POLQ: variants seen among roughly 807,000 people sequenced by gnomAD.
POLQ encodes epididymis secretory sperm binding protein.
In POLQ, 233 loss-of-function variants were observed where a neutral mutation model predicts 259.2. The ratio of observed to expected loss-of-function variants is 0.90; its 90% confidence interval spans 0.81 to 1.00. The LOEUF (loss-of-function observed/expected upper bound fraction) is 1.00, where lower values mean the gene tolerates loss of function less well. Among genes scored for constraint, POLQ ranks in the 50% least tolerant of loss-of-function variants. The pLI is 0.00. For missense variants in POLQ, 2,871 were observed against 3,051.6 expected, an observed-to-expected ratio of 0.94 and a Z score of 1.39; for synonymous variants, 1,025 against 1,048.8, an observed-to-expected ratio of 0.98 and a Z score of 0.44.
intron 25 of POLQ, among the ~76,000 whole-genome samples, chr3:121,454,964 T>C (rs12826913): frequency 0.18 from 27,384 of 152,026 alleles, 3,277 homozygotes; most frequent in East Asian, 0.57. Flanking sequence ...TATTCCAAAA[T>C]TGACCACATA....
intron 12 of POLQ, among the ~76,000 whole-genome samples, chr3:121,499,697 T>A (rs946677444): frequency 1.3e-5 from 2 of 152,102 alleles, no homozygotes; most frequent in African/African-American, 2.4e-5. Context: ...AGTTGATATA[T>A]TACCCAAAAT....
intron 17 of POLQ, 30 bp from the exon 18 acceptor site, chr3:121,483,612 C>T (rs1156630111): frequency 2.5e-5 from 35 of 1,418,002 alleles, no homozygotes; most frequent in African/African-American, 3.0e-5. Context: ...AAGGAAAAAA[C>T]ATTTTTAAGG....
intron 24 of POLQ, among the ~76,000 whole-genome samples, chr3:121,461,926 A>T (rs1560090144): frequency 6.6e-6 from 1 of 152,186 alleles, no homozygotes; most frequent in Non-Finnish European, 1.5e-5. Flanking sequence ...TATGTTAATG[A>T]ATAACCTATT....
At position 121,489,845 on chromosome 3, in the gene POLQ, T is replaced by C. The variant is rs750152976; in HGVS notation, c.3086A>G (p.Asn1029Ser). Residue 1029 changes from asparagine (N) to serine (S), a missense_variant, in exon 16 of 30, where the codon AAT becomes AGT. Around this residue, in one of 3 missense-constraint regions of POLQ, gnomAD observed 2,080 missense variants for 2,126.0 expected, o/e 0.98. Coordinates refer to ENST00000264233, the MANE Select transcript of POLQ (RefSeq NM_199420.4). ...TCTGCTCATCTTTTCTGAATTGAAA[T>C]TCAAAGGTGCCTTTTTTGTTTTCTG... The part of the protein sequence containing the change: ...FSQKTKKAPL[N>S]FNSEKMSRSF... 6 of 1,610,538 alleles carry C rather than the reference T, an allele frequency of 3.7e-6. No individual in the cohort carries two copies. Among genetic ancestry groups the C allele is most frequent in the Non-Finnish European group, 4.2e-6 (5 of 1,179,264 alleles).
intron 24 of POLQ, among the ~76,000 whole-genome samples, chr3:121,464,577 A>G (rs1330650167): frequency 6.6e-6 from 1 of 152,168 alleles, no homozygotes; most frequent in Non-Finnish European, 1.5e-5. Context: ...CTGTAGGTAC[A>G]GCATCCCTAA....
Position 121,483,489 on chromosome 3 carries a change from G to A in POLQ, c.5867C>T (p.Ser1956Phe). ...GATGACAACAGAACATTCTTTATCAGATTCCTTTCGCAAGCAAGATTGAAG... is the reference window on the plus strand; with the variant it reads ...GATGACAACAGAACATTCTTTATCAAATTCCTTTCGCAAGCAAGATTGAAG... ...WYLQSCLRKE[S>F]DKECSVVIYD... The change falls in exon 18 of 30, where the codon TCT becomes TTT. Residue 1956 changes from serine (S) to phenylalanine (F), a missense_variant. Transcript: ENST00000264233. 5.0e-6 allele frequency: 8 copies of A among 1,607,946 alleles called. No homozygotes were observed. The highest frequency in any genetic ancestry group is 6.8e-6 in the Non-Finnish European group (8 of 1,177,864).
chr3:121,494,475 C>G, intron 14 of POLQ: 1 of 1,481,456 alleles, frequency 6.8e-7, no homozygotes, highest in Admixed American at 1.7e-5. Flanking sequence ...AAGAAAGCTG[C>G]TGGCAGAGGG....
At chr3:121,541,286 G>A in intron 3 of POLQ, 63 bp downstream of exon 3, 1 of 1,342,688 alleles carries the variant, frequency 7.4e-7, no homozygotes, top group Non-Finnish European at 1.0e-6. Flanking sequence ...TATTTCAAAT[G>A]AATGAAACCA....
rs751801003 is a variant in POLQ at position 121,431,457 on chromosome 3, C to T, written c.*847G>A. On this transcript the variant is annotated 3_prime_UTR_variant, in exon 30 of 30. Transcript: ENST00000264233. ...TTCTCATAAATTCATTTTATTTCAA[C>T]AGCAAAAAGATTAGCTCCATCCCTC... 2 of 152,204 alleles carry T rather than the reference C, an allele frequency of 1.3e-5. No homozygotes were observed. Among genetic ancestry groups the T allele is most frequent in the South Asian group, 4.2e-4 (2 of 4,814 alleles). 9.4% of individuals were successfully genotyped at this position (152,204 alleles called of 1,614,324 possible).
chr3:121,449,467 T>C, intron 25 of POLQ, 41 bp from the exon 26 acceptor site: 1 of 1,110,188 alleles, frequency 9.0e-7, no homozygotes, highest in Non-Finnish European at 1.4e-6. Flanking sequence ...TATAAGTACA[T>C]AAAATGCAAA....
chr3:121,501,344 T>C (rs547688008), intron 12 of POLQ, among the ~76,000 whole-genome samples: 3 of 151,440 alleles, frequency 2.0e-5, no homozygotes, highest in Admixed American at 1.3e-4. Flanking sequence ...CCCGAGAAAA[T>C]TTTGCTAGCA....
At chr3:121,479,457 T>TTTTG (rs553952767) in intron 19 of POLQ, among the ~76,000 whole-genome samples, 5 of 151,930 alleles carry the variant, frequency 3.3e-5, no homozygotes, top group Admixed American at 6.6e-5. Context: ...TATATATATA[T>TTTTG]TTTGTTTGTT....
chr3:121,453,419 G>T (rs1346520436), intron 25 of POLQ, among the ~76,000 whole-genome samples: 1 of 152,194 alleles, frequency 6.6e-6, no homozygotes, highest in Non-Finnish European at 1.5e-5. Flanking sequence ...AGAGAAGAAG[G>T]CTTCAGACGA....
chr3:121,523,242 A>C (rs1484829947), intron 7 of POLQ, among the ~76,000 whole-genome samples: 1 of 151,882 alleles, frequency 6.6e-6, no homozygotes, highest in Non-Finnish European at 1.5e-5. Context: ...CTGGTTTCAA[A>C]TTCCTGGGCT....
chr3:121,531,459 T>C (rs1251834969), intron 6 of POLQ, among the ~76,000 whole-genome samples: 1 of 151,908 alleles, frequency 6.6e-6, no homozygotes, highest in Admixed American at 6.6e-5. Flanking sequence ...AGAGGGAACA[T>C]AGTAGATAGA....
intron 5 of POLQ, among the ~76,000 whole-genome samples, chr3:121,533,561 G>A (rs1172815894): frequency 6.6e-6 from 1 of 152,080 alleles, no homozygotes; most frequent in Non-Finnish European, 1.5e-5. Context: ...TGTCACCCAG[G>A]CTGGAGTGCA....
intron 22 of POLQ, among the ~76,000 whole-genome samples, chr3:121,470,501 G>A (rs1191410093): frequency 6.6e-6 from 1 of 152,144 alleles, no homozygotes; most frequent in African/African-American, 2.4e-5. Flanking sequence ...GCAACTGATA[G>A]TGAGCACTTT....
intron 19 of POLQ, among the ~76,000 whole-genome samples, chr3:121,478,042 AG>A (rs1417736956): frequency 6.6e-6 from 1 of 152,162 alleles, no homozygotes; most frequent in Non-Finnish European, 1.5e-5. Flanking sequence ...AGTGGCAGGA[AG>A]CTAGCCTGCA....
At chr3:121,460,420 T>A (rs113143351) in intron 24 of POLQ, among the ~76,000 whole-genome samples, 186 bp from the exon 25 acceptor site, 2,206 of 152,264 alleles carry the variant, frequency 0.014, 49 homozygotes, top group African/African-American at 0.05. Context: ...TTAGGTCATT[T>A]TTTTCCATGT....
Sources: gnomAD v4.1 joint callset for allele counts (sites outside exome capture counted in the v4.1 genomes callset) on GRCh38, gnomAD v4.1.1 for gene constraint, gnomAD v4.1.1 regional missense constraint, MANE v1.5 for transcripts, NCBI Gene and HGNC (gene_info 2026-07-23, HGNC 2026-07-21) for gene names.